Variants in CLSTN2 observed in about 807,000 individuals in gnomAD.
CLSTN2 encodes calsyntenin-2.
A neutral mutation model predicts 101.2 loss-of-function variants in CLSTN2; 48 were observed. The ratio of observed to expected loss-of-function variants is 0.47; its 90% CI spans 0.38 to 0.60. The LOEUF is 0.60. Ranked by LOEUF, CLSTN2 falls within the 20% of genes least tolerant of loss-of-function variation. The pLI, the probability that CLSTN2 is intolerant of heterozygous loss-of-function variation, is 0.00. For synonymous variants in CLSTN2, 481 were observed against 463.6 expected (o/e 1.04, Z -0.48); for missense variants, 1,160 against 1,238.2 (o/e 0.94, Z 0.95).
intron 5 of CLSTN2, among the ~76,000 whole-genome samples, chr3:140,439,151 G>C (rs953418011): frequency 4.6e-5 from 7 of 152,222 alleles, no homozygotes; most frequent in Non-Finnish European, 1.0e-4. Context: ...TCACAGCATG[G>C]GGAAGGCCAA....
At chr3:140,390,964 TA>T (rs1200039388) in intron 2 of CLSTN2, among the ~76,000 whole-genome samples, 3 of 152,246 alleles carry the variant, frequency 2.0e-5, no homozygotes, top group African/African-American at 7.2e-5. Flanking sequence ...AACAGACCAT[TA>T]ACTTGGTTAA....
intron 8 of CLSTN2, among the ~76,000 whole-genome samples, chr3:140,526,459 G>GGAT (rs137899341): frequency 0.041 from 6,274 of 152,042 alleles, 423 homozygotes; most frequent in African/African-American, 0.14. Context: ...AGGATTGGAA[G>GGAT]GATCAATATC....
chr3:139,935,532 G>T lies in CLSTN2; in HGVS notation c.109+49G>T. 1 of 1,001,766 alleles carries T rather than the reference G, an allele frequency of 1.0e-6. No homozygotes were observed. The highest frequency in any genetic ancestry group is 5.2e-5 in the South Asian group (1 of 19,338). The allele number at this position is 1,001,766 out of a possible 1,614,324, so 62.1% of individuals were successfully genotyped here. ...TTCTCCCAGGAGGGAGGCAGGGCAG[G>T]CTTGAGGGTGAAAGCGGCAAGGACC... On this transcript the variant is annotated intron_variant, in intron 1 of 16. Transcript: ENST00000458420. The surrounding 1 kb of genome is among the most constrained non-coding windows in gnomAD (Gnocchi z 5.5).
At chr3:140,065,882 ATTAAT>A (rs1462730560) in intron 1 of CLSTN2, among the ~76,000 whole-genome samples, 1 of 152,186 alleles carries the variant, frequency 6.6e-6, no homozygotes, top group African/African-American at 2.4e-5. Context: ...CCATGGAAGG[ATTAAT>A]TTAATATGAT....
In CLSTN2 at chr3:140,135,109, C is replaced by T. The variant is rs866541820; in HGVS notation, c.110-40842C>T. On this transcript the variant is annotated intron_variant, in intron 1 of 16. Transcript: ENST00000458420. The stretch of plus-strand genomic sequence containing the variant: ...AAAAACACACACACACACACACACA[C>T]ACACACACATATATATATATATATA... Among the ~76,000 whole-genome samples, 257 of 52,238 alleles carry T rather than the reference C, an allele frequency of 4.9e-3. 1 individual carries two copies. Among genetic ancestry groups the T allele is most frequent in the African/African-American group, 0.025 (211 of 8,316 alleles). The allele number at this position is 52,238 out of a possible 152,430, so 34.3% of individuals were successfully genotyped here.
chr3:140,237,493 T>C (rs1363915858), intron 2 of CLSTN2, among the ~76,000 whole-genome samples: 1 of 152,062 alleles, frequency 6.6e-6, no homozygotes, highest in Non-Finnish European at 1.5e-5. Context: ...TCGCTATGCG[T>C]CTCCTTCCTC....
intron 1 of CLSTN2, among the ~76,000 whole-genome samples, chr3:139,986,798 C>A (rs543764650): frequency 6.6e-5 from 10 of 152,288 alleles, no homozygotes; most frequent in Admixed American, 3.9e-4. Context: ...CTCTATGGCA[C>A]CAGCACACAA....
chr3:140,558,919 C>G (rs947164250), intron 12 of CLSTN2, 62 bp downstream of exon 12: 29 of 1,321,214 alleles, frequency 2.2e-5, no homozygotes, highest in Non-Finnish European at 3.0e-5. Flanking sequence ...CATGTGAAAA[C>G]ATACTTCAGA....
intron 2 of CLSTN2, among the ~76,000 whole-genome samples, chr3:140,239,034 C>T (rs546797874): frequency 1.3e-5 from 2 of 152,172 alleles, no homozygotes; most frequent in South Asian, 2.1e-4. Flanking sequence ...AATAATATTG[C>T]TGTACTTTTC....
Position 140,514,932 on chromosome 3 carries a change from T to C in CLSTN2, c.1345-17392T>C, listed in dbSNP as rs574052950. ...CTCTCTCTTTCTCTATCTTTTGGAA[T>C]AGTTTCAGGATGATTAGTATTAATT... is the stretch of plus-strand genomic sequence containing the variant. On this transcript the variant is annotated intron_variant, in intron 8 of 16. Transcript: ENST00000458420. Among the ~76,000 whole-genome samples the C allele has an allele frequency of 5.9e-5, 9 of 152,320 alleles. No homozygotes were observed. In the South Asian group the frequency reaches 1.9e-3, roughly 32 times the overall value.
intron 5 of CLSTN2, among the ~76,000 whole-genome samples, chr3:140,447,394 G>A (rs1353086256): frequency 3.3e-5 from 5 of 152,302 alleles, no homozygotes; most frequent in East Asian, 3.9e-4. Context: ...AACACATGTC[G>A]TCAGTCACTG....
chr3:140,185,936 T>G (rs561479975), intron 2 of CLSTN2, among the ~76,000 whole-genome samples: 2 of 152,322 alleles, frequency 1.3e-5, no homozygotes, highest in South Asian at 4.1e-4. Flanking sequence ...TGTTGCACTT[T>G]TATCCACTCT....
chr3:140,262,880 G>A (rs1165239036), intron 2 of CLSTN2, among the ~76,000 whole-genome samples: 4 of 152,094 alleles, frequency 2.6e-5, no homozygotes, highest in Non-Finnish European at 4.4e-5. Flanking sequence ...AGCCAGGACC[G>A]GACCTCTTCA....
At chr3:140,415,923 TCA>T (rs1418911955) in intron 4 of CLSTN2, among the ~76,000 whole-genome samples, 2 of 152,184 alleles carry the variant, frequency 1.3e-5, no homozygotes, top group East Asian at 3.8e-4. Context: ...GCAGCATTAT[TCA>T]CAATAGCAAA....
chr3:139,999,259 TC>T (rs1350209329), intron 1 of CLSTN2, among the ~76,000 whole-genome samples: 1 of 144,234 alleles, frequency 6.9e-6, no homozygotes, highest in Non-Finnish European at 1.5e-5. Context: ...GCTCCCTCCC[TC>T]CCTCCCTTTC....
chr3:140,277,887 T>A (rs777766895), intron 2 of CLSTN2, among the ~76,000 whole-genome samples: 5 of 152,186 alleles, frequency 3.3e-5, no homozygotes, highest in African/African-American at 1.2e-4. Flanking sequence ...AAACAATACA[T>A]GTAGACAAGT....
intron 9 of CLSTN2, among the ~76,000 whole-genome samples, chr3:140,535,663 TG>T (rs1935344570): frequency 6.6e-6 from 1 of 152,238 alleles, no homozygotes; most frequent in Admixed American, 6.5e-5. Context: ...CTTTAAAAGC[TG>T]TAATTGCAAG....
At chr3:140,512,651 ATGTCAAT>A (rs1401739404) in intron 8 of CLSTN2, among the ~76,000 whole-genome samples, 1 of 133,250 alleles carries the variant, frequency 7.5e-6, no homozygotes, top group African/African-American at 2.5e-5. Context: ...TTCGTGAAGA[ATGTCAAT>A]GGTAGTTTCA....
intron 8 of CLSTN2, among the ~76,000 whole-genome samples, chr3:140,492,137 A>G (rs1424495027): frequency 7.6e-6 from 1 of 132,128 alleles, no homozygotes; most frequent in African/African-American, 3.1e-5. Context: ...AGCACCCACC[A>G]TAATGGCTTA....
Sources: gnomAD v4.1 joint callset for allele counts (sites outside exome capture counted in the v4.1 genomes callset) on GRCh38, gnomAD v4.1.1 for gene constraint, Gnocchi (gnomAD v3.1) non-coding constraint, MANE v1.5 for transcripts, NCBI Gene and HGNC (gene_info 2026-07-23, HGNC 2026-07-21) for gene names.